Variants in ELMOD1 observed in about 807,000 individuals in gnomAD.
ELMOD1 encodes the protein ELMO domain-containing protein 1.
In ELMOD1, 21 loss-of-function variants were observed where a neutral mutation model predicts 46.7. The observed-to-expected ratio is 0.45, with a 90% CI of 0.32 to 0.65. ELMOD1 has a LOEUF of 0.65. ELMOD1 is among the 30% of genes least tolerant of loss of function. The probability of loss-of-function intolerance (pLI) is 0.04; values close to 1 mark genes in which losing one functional copy is unlikely to be tolerated. For missense variants in ELMOD1, 348 were observed against 407.8 expected (o/e 0.85, Z 1.26); for synonymous variants, 122 against 138.2 (o/e 0.88, Z 0.82).
Position 107,647,368 on chromosome 11 carries a change from A to G in ELMOD1, c.421-100A>G, listed in dbSNP as rs1014361671. 6.5e-5 allele frequency: 70 copies of G among 1,081,506 alleles called. No homozygotes were observed. In the African/African-American group the frequency reaches 9.5e-4, roughly 15 times the overall value. 67.0% of individuals were successfully genotyped at this position (1,081,506 alleles called of 1,614,324 possible). On this transcript the variant is annotated intron_variant, in intron 6 of 11. Transcript: ENST00000265840. ...CTTTAATTGTAATGTATATGCATAC[A>G]TTCAGCTTTGCAAAGCTCCTCCTAA...
intron 11 of ELMOD1, among the ~76,000 whole-genome samples, chr11:107,662,414 C>T (rs1191580590): frequency 3.9e-5 from 6 of 152,066 alleles, no homozygotes; most frequent in Admixed American, 3.9e-4. Flanking sequence ...AGTTCGAGAC[C>T]AGCCTGACCA....
chr11:107,618,067 A>G, intron 1 of ELMOD1, 38 bp from the exon 2 acceptor site: 1 of 1,164,496 alleles, frequency 8.6e-7, no homozygotes, highest in Non-Finnish European at 1.3e-6. Flanking sequence ...TTCCAGCCTT[A>G]TTAGTAAATA....
chr11:107,650,424 A>G lies in ELMOD1; in HGVS notation c.623+21A>G, dbSNP rs539871678. On this transcript the variant is annotated intron_variant, in intron 8 of 11. Coordinates refer to ENST00000265840, the MANE Select transcript of ELMOD1 (RefSeq NM_018712.4). Reference sequence around the variant, plus strand: ...TGCAGGTAATTGTTGAAAGTAAAAGATGAATTAGGTTTTATGGGTTAGATC... The same window carrying G: ...TGCAGGTAATTGTTGAAAGTAAAAGGTGAATTAGGTTTTATGGGTTAGATC... The G allele has an allele frequency of 1.2e-4, 181 of 1,530,546 alleles. 4 individuals are homozygous for G. In the South Asian group the frequency reaches 2.1e-3, roughly 18 times the overall value. 94.8% of individuals were successfully genotyped at this position (1,530,546 alleles called of 1,614,324 possible).
intron 1 of ELMOD1, among the ~76,000 whole-genome samples, chr11:107,609,108 A>C (rs980559025): frequency 6.6e-6 from 1 of 152,204 alleles, no homozygotes; most frequent in Non-Finnish European, 1.5e-5. Context: ...TGTTCACTTC[A>C]TAAGATGACA....
intron 2 of ELMOD1, chr11:107,625,645 C>A: frequency 1.2e-6 from 1 of 841,704 alleles, no homozygotes; most frequent in Non-Finnish European, 1.4e-6. Context: ...CGCCACAAGA[C>A]CGGAGGTTGC....
intron 1 of ELMOD1, among the ~76,000 whole-genome samples, chr11:107,609,514 A>T (rs1489628323): frequency 6.6e-6 from 1 of 152,164 alleles, no homozygotes; most frequent in Non-Finnish European, 1.5e-5. Flanking sequence ...TGAGTCTCTA[A>T]TTCATTCCCT....
intron 2 of ELMOD1, chr11:107,620,573 A>G (rs1865929805): frequency 6.6e-6 from 1 of 152,274 alleles, no homozygotes; most frequent in Non-Finnish European, 1.5e-5. Flanking sequence ...ATGTGCATGA[A>G]AAGAAAACAT....
chr11:107,650,174 T>C (rs1052803776), intron 7 of ELMOD1, among the ~76,000 whole-genome samples, 161 bp from the exon 8 acceptor site: 8 of 152,250 alleles, frequency 5.3e-5, no homozygotes, highest in African/African-American at 1.9e-4. Flanking sequence ...TGGAAAATTC[T>C]GTTGTGAAAA....
At chr11:107,607,322 A>G (rs1361486256) in intron 1 of ELMOD1, among the ~76,000 whole-genome samples, 1 of 152,216 alleles carries the variant, frequency 6.6e-6, no homozygotes, top group Non-Finnish European at 1.5e-5. Context: ...AACTTTCTCA[A>G]TTACTTTTAG....
intron 6 of ELMOD1, among the ~76,000 whole-genome samples, chr11:107,637,927 T>C (rs576051562): frequency 7.2e-5 from 11 of 152,264 alleles, no homozygotes; most frequent in Admixed American, 5.2e-4. Context: ...TGTCATTCCC[T>C]AGACTAGAAA....
intron 6 of ELMOD1, among the ~76,000 whole-genome samples, chr11:107,639,953 G>A (rs1272198928): frequency 6.6e-6 from 1 of 152,056 alleles, no homozygotes; most frequent in Non-Finnish European, 1.5e-5. Flanking sequence ...ATTTTTTCAG[G>A]GAAGAGCTTA....
Position 107,637,125 on chromosome 11 carries a change from C to T in ELMOD1, c.420+1360C>T, listed in dbSNP as rs139315885. ...TTATTATAGTTCATTAGCTACATCT[C>T]GAGAACTTGTATATGACTTTTATCT... On this transcript the variant is annotated intron_variant, in intron 6 of 11. Transcript: ENST00000265840. Among the ~76,000 whole-genome samples the T allele has an allele frequency of 1.5e-3, 228 of 152,266 alleles. 1 individual carries two copies. The highest frequency in any genetic ancestry group is 5.2e-3 in the African/African-American group (216 of 41,550).
chr11:107,618,346 T>C, intron 2 of ELMOD1, 140 bp downstream of exon 2: 1 of 993,506 alleles, frequency 1.0e-6, no homozygotes, highest in Non-Finnish European at 1.6e-6. Context: ...GCATTTTTGC[T>C]AAGAATAACT....
chr11:107,654,285 A>G (rs952739189), intron 10 of ELMOD1, 63 bp downstream of exon 10: 2 of 1,401,168 alleles, frequency 1.4e-6, no homozygotes, highest in Non-Finnish European at 9.9e-7. Context: ...CTAGAACTAG[A>G]GTATCATGAA....
rs1019457304 is a variant in ELMOD1 at position 107,665,347 on chromosome 11, G to A, written c.*150G>A. 2.9e-5 allele frequency: 22 copies of A among 748,082 alleles called. No individual in the cohort carries two copies. The highest frequency in any genetic ancestry group is 1.9e-4 in the South Asian group (10 of 52,462). The allele number at this position is 748,082 out of a possible 1,614,324, so 46.3% of individuals were successfully genotyped here. On this transcript the variant is annotated 3_prime_UTR_variant, in exon 12 of 12. Coordinates refer to ENST00000265840, the MANE Select transcript of ELMOD1 (RefSeq NM_018712.4). ...GTTTTCATCTCTTGGTCATAATTCC[G>A]AGATCCCCAGAGACCACTGTTTCTG...
Position 107,666,101 on chromosome 11 carries a change from G to A in ELMOD1, c.*904G>A, listed in dbSNP as rs1364575136. On this transcript the variant is annotated 3_prime_UTR_variant, in exon 12 of 12. Transcript: ENST00000265840. ...TGAGGCTTACAAGAAGTAACTTTAGGTAGGAGCTGTTTTTGTTTGAAGTAC... is the reference window on the plus strand; with the variant it reads ...TGAGGCTTACAAGAAGTAACTTTAGATAGGAGCTGTTTTTGTTTGAAGTAC... The A allele has an allele frequency of 1.1e-4, 16 of 152,194 alleles. No homozygotes were observed. Among genetic ancestry groups the A allele is most frequent in the Non-Finnish European group, 1.8e-4 (12 of 68,034 alleles). The allele number at this position is 152,194 out of a possible 1,614,324, so 9.4% of individuals were successfully genotyped here. A position where few individuals can be genotyped will look rare whatever the true frequency, so the allele number is the denominator to read the frequency against.
chr11:107,622,423 A>G (rs1865965902), intron 2 of ELMOD1, among the ~76,000 whole-genome samples: 1 of 152,176 alleles, frequency 6.6e-6, no homozygotes, highest in Non-Finnish European at 1.5e-5. Context: ...GCATGGCAAC[A>G]TTTTCACCCC....
At chr11:107,650,616 T>C (rs1417527547) in intron 8 of ELMOD1, among the ~76,000 whole-genome samples, 2 of 152,090 alleles carry the variant, frequency 1.3e-5, no homozygotes, top group Admixed American at 6.5e-5. Context: ...AGGTGAGATA[T>C]GTATTTAAAG....
At chr11:107,630,351 G>T (rs906479315) in intron 2 of ELMOD1, 66 bp from the exon 3 acceptor site, 9 of 1,429,818 alleles carry the variant, frequency 6.3e-6, no homozygotes, top group Admixed American at 2.7e-5. Context: ...TTTCTTGCTG[G>T]TGGTGGCTGC....
Sources: allele counts gnomAD v4.1 joint callset (sites outside exome capture counted in the v4.1 genomes callset), GRCh38; gene constraint gnomAD v4.1.1; transcripts MANE v1.5; gene names NCBI Gene and HGNC (gene_info 2026-07-23, HGNC 2026-07-21).